Variants in TMPRSS9 observed in about 807,000 individuals in gnomAD.
The protein encoded by TMPRSS9 is transmembrane serine protease 9.
Under a neutral mutation model 111.4 loss-of-function variants are expected in TMPRSS9, and 113 were observed. The ratio of observed to expected loss-of-function variants is 1.01; its 90% CI spans 0.87 to 1.19. The LOEUF is 1.19. Among genes scored for constraint, TMPRSS9 ranks in the 50% most tolerant of loss-of-function variants. The pLI, the probability that TMPRSS9 is intolerant of heterozygous loss-of-function variation, is 0.00. For synonymous variants in TMPRSS9, 805 were observed against 659.1 expected (o/e 1.22, Z -3.39); for missense variants, 1,803 against 1,513.1 (o/e 1.19, Z -3.18).
At chr19:2,367,103 C>T (rs555228667) in intron 1 of TMPRSS9, among the ~76,000 whole-genome samples, 38 of 152,280 alleles carry the variant, frequency 2.5e-4, no homozygotes, top group Admixed American at 1.5e-3. Context: ...GATCTAACCT[C>T]AGAAGCCTAG....
At chr19:2,362,671 CTATA>C (rs1029671069) in intron 1 of TMPRSS9, among the ~76,000 whole-genome samples, 1 of 151,928 alleles carries the variant, frequency 6.6e-6, no homozygotes, top group African/African-American at 2.4e-5. Flanking sequence ...CAGTGTATGA[CTATA>C]TGTGTGAAGT....
At chr19:2,398,713 C>A in intron 2 of TMPRSS9, 82 bp from the exon 4 acceptor site, 2 of 1,019,912 alleles carry the variant, frequency 2.0e-6, no homozygotes, top group Non-Finnish European at 2.7e-6. Flanking sequence ...CTCCAGCTCC[C>A]TCCAACACCT....
At chr19:2,388,065 G>C (rs898285401), upstream of TMPRSS9, among the ~76,000 whole-genome samples, 1 of 152,158 alleles carries the variant, frequency 6.6e-6, no homozygotes, top group African/African-American at 2.4e-5. Context: ...AAGAGTCTGT[G>C]GTCACAAATT....
chr19:2,377,541 T>C (rs1242957516), intron 1 of TMPRSS9, among the ~76,000 whole-genome samples: 3 of 13,644 alleles, frequency 2.2e-4, no homozygotes, highest in South Asian at 0.011. Context: ...CTCTCCCCTC[T>C]CCCCTCCCCT....
At chr19:2,420,249 G>A (rs1971432376) in intron 13 of TMPRSS9, among the ~76,000 whole-genome samples, 1 of 152,094 alleles carries the variant, frequency 6.6e-6, no homozygotes, top group South Asian at 2.1e-4. Context: ...GACTGGCCTG[G>A]CCAACATGGC....
chr19:2,418,227 T>A (rs915858681), intron 13 of TMPRSS9, 89 bp downstream of exon 14: 3 of 1,506,162 alleles, frequency 2.0e-6, no homozygotes, highest in Middle Eastern at 1.7e-4. Flanking sequence ...AGACCTAGAT[T>A]TTTTTCCTTT....
At chr19:2,421,012 C>G (rs551703653) in intron 13 of TMPRSS9, among the ~76,000 whole-genome samples, 1 of 152,164 alleles carries the variant, frequency 6.6e-6, no homozygotes, top group East Asian at 1.9e-4. Flanking sequence ...GGAGACCAGC[C>G]TGGCCGACGT....
chr19:2,366,726 G>A (rs757758867), intron 1 of TMPRSS9, among the ~76,000 whole-genome samples: 7 of 151,898 alleles, frequency 4.6e-5, no homozygotes, highest in Non-Finnish European at 1.0e-4. Flanking sequence ...GCGTGGTGGC[G>A]GGCACCTGTA....
At chr19:2,386,818 C>T (rs1385615932), upstream of TMPRSS9, among the ~76,000 whole-genome samples, 1 of 150,920 alleles carries the variant, frequency 6.6e-6, no homozygotes, top group Non-Finnish European at 1.5e-5. Flanking sequence ...ATGGTGAAAC[C>T]CCATCTCTAC....
intron 6 of TMPRSS9, among the ~76,000 whole-genome samples, chr19:2,404,576 G>T (rs1970929538): frequency 6.6e-6 from 1 of 150,964 alleles, no homozygotes; most frequent in African/African-American, 2.4e-5. Context: ...GCTTTATACA[G>T]TAATAATAAG....
intron 17 of TMPRSS9, 90 bp from the exon 19 acceptor site, chr19:2,425,837 A>G: frequency 6.8e-7 from 1 of 1,461,280 alleles, no homozygotes; most frequent in Non-Finnish European, 9.0e-7. Flanking sequence ...AGGGGAAGTC[A>G]CTAGGGTCAC....
intron 13 of TMPRSS9, among the ~76,000 whole-genome samples, chr19:2,420,846 C>CT (rs1217644410): frequency 6.6e-6 from 1 of 152,048 alleles, no homozygotes; most frequent in African/African-American, 2.4e-5. Context: ...TTTATAGTAT[C>CT]TATTATTATA....
At chr19:2,394,007 C>A (rs778691925) in intron 1 of TMPRSS9, among the ~76,000 whole-genome samples, 2 of 151,812 alleles carry the variant, frequency 1.3e-5, no homozygotes, top group East Asian at 3.9e-4. Context: ...TTGAAACCAT[C>A]CTGGCCAACA....
intron 7 of TMPRSS9, 135 bp from the exon 9 acceptor site, chr19:2,408,220 AT>A: frequency 2.2e-6 from 2 of 909,348 alleles, no homozygotes. Context: ...GTCTGGCCTG[AT>A]TTTTATAAAT....
chr19:2,395,889 T>A (rs2145301878), intron 1 of TMPRSS9, among the ~76,000 whole-genome samples: 1 of 151,260 alleles, frequency 6.6e-6, no homozygotes, highest in Middle Eastern at 3.5e-3. Flanking sequence ...GTGCCTGTAG[T>A]CCCAGCTACT....
chr19:2,412,341 T>C (rs1971114862), intron 9 of TMPRSS9, among the ~76,000 whole-genome samples: 1 of 151,932 alleles, frequency 6.6e-6, no homozygotes, highest in Admixed American at 6.6e-5. Flanking sequence ...GAGGTGGAGG[T>C]TGCAGTAAGC....
intron 1 of TMPRSS9, among the ~76,000 whole-genome samples, chr19:2,390,301 T>G (rs998252574): frequency 1.1e-5 from 1 of 89,618 alleles, no homozygotes; most frequent in Non-Finnish European, 2.5e-5. Context: ...AGTGCAGTGG[T>G]GTGATATCTC....
At chr19:2,424,108 C>A in exon 15 of TMPRSS9, 1 of 1,327,064 alleles carries the variant, frequency 7.5e-7, no homozygotes, top group Non-Finnish European at 9.7e-7. Flanking sequence ...TGGCGCCGGC[C>A]GCGCTCACCA....
At chr19:2,394,367 A>T (rs1471463564) in intron 1 of TMPRSS9, among the ~76,000 whole-genome samples, 1 of 152,176 alleles carries the variant, frequency 6.6e-6, no homozygotes, top group African/African-American at 2.4e-5. Flanking sequence ...AGCCCGAACA[A>T]TAGAGACCTT....
Sources: gnomAD v4.1 joint callset for allele counts (sites outside exome capture counted in the v4.1 genomes callset) on GRCh38, gnomAD v4.1.1 for gene constraint, MANE v1.5 for transcripts, NCBI Gene and HGNC (gene_info 2026-07-23, HGNC 2026-07-21) for gene names.